The following CSGALNACT1 variants were observed in gnomAD, a reference collection of about 807,000 sequenced individuals.
CSGALNACT1 encodes the protein beta4GalNAcT-1.
In CSGALNACT1, 52 loss-of-function variants were observed where a neutral mutation model predicts 51.0. The observed-to-expected ratio is 1.02, with a 90% confidence interval of 0.82 to 1.29. CSGALNACT1 has a LOEUF of 1.29. CSGALNACT1 is among the 50% of genes most tolerant of loss of function. CSGALNACT1 has a pLI of 0.00. For synonymous variants in CSGALNACT1, 341 were observed against 254.4 expected, an observed-to-expected ratio of 1.34 and a Z score of -3.24; for missense variants, 935 against 679.2, an observed-to-expected ratio of 1.38 and a Z score of -4.19.
At chr8:19,461,824 G>C (rs13264913) in intron 4 of CSGALNACT1, among the ~76,000 whole-genome samples, 3 of 40,852 alleles carry the variant, frequency 7.3e-5, no homozygotes, top group Non-Finnish European at 6.4e-5. Context: ...AGCCACATTA[G>C]CCATGGAGGG....
exon 4 of CSGALNACT1, chr8:19,505,831 T>C (rs774811682): frequency 2.5e-6 from 4 of 1,610,622 alleles, no homozygotes; most frequent in Non-Finnish European, 3.4e-6. Flanking sequence ...CGAACCATCA[T>C]CATTCAGGAA....
chr8:19,553,922 C>T (rs933127908), intron 3 of CSGALNACT1, among the ~76,000 whole-genome samples: 1 of 151,678 alleles, frequency 6.6e-6, no homozygotes, highest in Non-Finnish European at 1.5e-5. Flanking sequence ...CACACACACA[C>T]ACACCCAGAA....
chr8:19,505,917 C>A, exon 4 of CSGALNACT1: 4 of 1,556,096 alleles, frequency 2.6e-6, no homozygotes, highest in Non-Finnish European at 3.5e-6. Flanking sequence ...GGCTAGACCA[C>A]AGGAAGCATG....
intron 8 of CSGALNACT1, among the ~76,000 whole-genome samples, chr8:19,414,197 C>T (rs1323553709): frequency 6.6e-6 from 1 of 152,172 alleles, no homozygotes; most frequent in Non-Finnish European, 1.5e-5. Flanking sequence ...TAAATATTTA[C>T]CAGCACATCT....
chr8:19,490,159 C>T (rs1394120294), intron 4 of CSGALNACT1, among the ~76,000 whole-genome samples: 1 of 152,206 alleles, frequency 6.6e-6, no homozygotes, highest in South Asian at 2.1e-4. Flanking sequence ...TTCCCAGCTC[C>T]TCTTTAAATA....
chr8:19,545,938 A>C (rs1011191890), intron 3 of CSGALNACT1, among the ~76,000 whole-genome samples: 1 of 151,114 alleles, frequency 6.6e-6, no homozygotes, highest in African/African-American at 2.4e-5. Context: ...AATGCACAAA[A>C]AATAAAATAA....
chr8:19,413,465 G>A (rs1250468895), intron 8 of CSGALNACT1, among the ~76,000 whole-genome samples: 1 of 152,140 alleles, frequency 6.6e-6, no homozygotes, highest in African/African-American at 2.4e-5. Flanking sequence ...GCACCGGACT[G>A]GCTTCTGGAA....
intron 1 of CSGALNACT1, among the ~76,000 whole-genome samples, chr8:19,700,186 G>A (rs942935209): frequency 2.0e-5 from 3 of 150,984 alleles, no homozygotes; most frequent in African/African-American, 7.3e-5. Context: ...AAGGCACAAT[G>A]ATGTTAAGTC....
chr8:19,743,289 C>G (rs894474727), intron 1 of CSGALNACT1, among the ~76,000 whole-genome samples: 1 of 152,128 alleles, frequency 6.6e-6, no homozygotes, highest in Non-Finnish European at 1.5e-5. Flanking sequence ...GAGTACGCAG[C>G]AATAAACTGG....
intron 1 of CSGALNACT1, among the ~76,000 whole-genome samples, chr8:19,663,732 C>T (rs1042337819): frequency 2.6e-5 from 4 of 152,306 alleles, no homozygotes; most frequent in East Asian, 1.9e-4. Flanking sequence ...TTGAGGAAAA[C>T]GCAATACTAC....
chr8:19,719,442 C>T (rs1022529975), intron 1 of CSGALNACT1, among the ~76,000 whole-genome samples: 2 of 152,102 alleles, frequency 1.3e-5, no homozygotes, highest in African/African-American at 4.8e-5. Context: ...TCTGTTATGA[C>T]CAACCAAAAC....
At chr8:19,493,940 CTG>C (rs1476451206) in intron 4 of CSGALNACT1, among the ~76,000 whole-genome samples, 15 of 151,870 alleles carry the variant, frequency 9.9e-5, no homozygotes, top group African/African-American at 3.6e-4. Context: ...CATGGCTACT[CTG>C]TGTTTAACAT....
chr8:19,570,895 G>A (rs1459608994), intron 3 of CSGALNACT1, among the ~76,000 whole-genome samples: 1 of 152,186 alleles, frequency 6.6e-6, no homozygotes, highest in African/African-American at 2.4e-5. Flanking sequence ...CTGGGCAATG[G>A]AGCAAGACTC....
chr8:19,454,038 G>C (rs763767907), intron 5 of CSGALNACT1, among the ~76,000 whole-genome samples: 1 of 152,206 alleles, frequency 6.6e-6, no homozygotes, highest in Non-Finnish European at 1.5e-5. Context: ...GGCAAAAGCC[G>C]TTTACGAGAG....
intron 1 of CSGALNACT1, among the ~76,000 whole-genome samples, chr8:19,679,919 G>C (rs567548322): frequency 7.2e-4 from 109 of 152,274 alleles, no homozygotes; most frequent in African/African-American, 2.6e-3. Context: ...TTCTGAGCTG[G>C]AAGGGGGCCT....
rs190361940 is a variant in CSGALNACT1 at position 19,748,761 on chromosome 8, T to C, written c.-297+9089A>G. Among the ~76,000 whole-genome samples the C allele has an allele frequency of 1.1e-4, 17 of 152,150 alleles. No homozygotes were observed. The East Asian group carries it at 3.3e-3, about 29-fold the overall frequency. ...GGGTGGATCACCTCAGGTCAGGAGT[T>C]CAAGACCAACCTGGCCAACATGGTG... On this transcript the variant is annotated intron_variant, in intron 1 of 1. Transcript: ENST00000517494.
chr8:19,755,456 CAAAAAAAAAA>C (rs71205945), intron 1 of CSGALNACT1, among the ~76,000 whole-genome samples: 62 of 74,538 alleles, frequency 8.3e-4, no homozygotes, highest in Admixed American at 1.6e-3. Context: ...TAAAGAAAGA[CAAAAAAAAAA>C]AAAAAAAAAA....
intron 5 of CSGALNACT1, among the ~76,000 whole-genome samples, chr8:19,450,011 G>A (rs888814972): frequency 2.4e-5 from 3 of 124,946 alleles, no homozygotes; most frequent in Non-Finnish European, 4.8e-5. Flanking sequence ...CAAAGCAGCC[G>A]AAAACCAAAT....
chr8:19,468,346 A>T (rs1439531983), intron 4 of CSGALNACT1, among the ~76,000 whole-genome samples: 1 of 152,166 alleles, frequency 6.6e-6, no homozygotes, highest in Non-Finnish European at 1.5e-5. Context: ...GCAGACACGA[A>T]TGGGGGGATG....
Sources: allele counts gnomAD v4.1 joint callset (sites outside exome capture counted in the v4.1 genomes callset), GRCh38; gene constraint gnomAD v4.1.1; transcripts MANE v1.5; gene names NCBI Gene and HGNC (gene_info 2026-07-23, HGNC 2026-07-21).